RIMS2: variants seen among roughly 807,000 people sequenced by gnomAD.
RIMS2 encodes regulating synaptic membrane exocytosis 2.
In RIMS2, 59 loss-of-function variants were observed where a neutral mutation model predicts 174.4. The observed-to-expected ratio is 0.34, with a 90% CI of 0.27 to 0.42. The LOEUF is 0.42. Ranked by LOEUF, RIMS2 falls within the 10% of genes least tolerant of loss-of-function variation. The probability of loss-of-function intolerance (pLI) is 1.00; values close to 1 mark genes in which losing one functional copy is unlikely to be tolerated. For synonymous variants in RIMS2, 606 were observed against 572.5 expected, an observed-to-expected ratio of 1.06 and a Z score of -0.84; for missense variants, 1,620 against 1,666.3, an observed-to-expected ratio of 0.97 and a Z score of 0.48.
At chr8:104,053,113 T>C (rs989987304) in intron 19 of RIMS2, among the ~76,000 whole-genome samples, 3 of 152,220 alleles carry the variant, frequency 2.0e-5, no homozygotes, top group Non-Finnish European at 4.4e-5. Context: ...AGATATGTTT[T>C]ACAATATCCA....
intron 2 of RIMS2, among the ~76,000 whole-genome samples, chr8:103,761,736 T>A (rs1342703785): frequency 6.6e-6 from 1 of 152,332 alleles, no homozygotes; most frequent in East Asian, 1.9e-4. Context: ...TATGTAATGG[T>A]TACTTGATCA....
At chr8:104,235,475 T>G (rs1366685045) in intron 19 of RIMS2, among the ~76,000 whole-genome samples, 2 of 151,976 alleles carry the variant, frequency 1.3e-5, no homozygotes, top group Non-Finnish European at 2.9e-5. Context: ...TCCACATAGT[T>G]GTAAGTCATG....
At chr8:103,881,171 T>A (rs956821254) in intron 3 of RIMS2, among the ~76,000 whole-genome samples, 3 of 151,496 alleles carry the variant, frequency 2.0e-5, no homozygotes, top group Non-Finnish European at 4.4e-5. Flanking sequence ...TTTACAAAAA[T>A]TAGTAATCTT....
chr8:103,883,366 GT>G (rs948653071), intron 3 of RIMS2, among the ~76,000 whole-genome samples: 1 of 151,628 alleles, frequency 6.6e-6, no homozygotes, highest in Non-Finnish European at 1.5e-5. Flanking sequence ...TCATGCTAGA[GT>G]TTTTTTAGTC....
intron 19 of RIMS2, among the ~76,000 whole-genome samples, chr8:104,125,274 T>C (rs937665689): frequency 4.6e-5 from 7 of 152,170 alleles, no homozygotes; most frequent in Non-Finnish European, 8.8e-5. Context: ...GATATGTATT[T>C]TAAGAAAGCT....
chr8:103,992,512 G>A (rs1200232091), intron 17 of RIMS2, among the ~76,000 whole-genome samples: 2 of 151,946 alleles, frequency 1.3e-5, no homozygotes, highest in East Asian at 3.9e-4. Context: ...TGAAAAATGG[G>A]CATGTTTATT....
intron 19 of RIMS2, among the ~76,000 whole-genome samples, chr8:104,124,356 C>T (rs74987592): frequency 0.015 from 2,281 of 152,112 alleles, 57 homozygotes; most frequent in African/African-American, 0.048. Context: ...CTTTTCTAAG[C>T]ACAGGAAAAG....
At chr8:104,183,046 A>G (rs1203575975) in intron 19 of RIMS2, among the ~76,000 whole-genome samples, 1 of 151,772 alleles carries the variant, frequency 6.6e-6, no homozygotes. Flanking sequence ...ATAAGGATAT[A>G]GAAGTGACTA....
chr8:103,907,295 T>C (rs1594915594), intron 4 of RIMS2, among the ~76,000 whole-genome samples: 1 of 152,368 alleles, frequency 6.6e-6, no homozygotes, highest in East Asian at 1.9e-4. Context: ...TCTACTTTTT[T>C]ACTTCCCTTG....
intron 19 of RIMS2, among the ~76,000 whole-genome samples, chr8:104,081,664 A>G (rs989109648): frequency 1.1e-5 from 1 of 89,344 alleles, no homozygotes; most frequent in Non-Finnish European, 2.3e-5. Context: ...AATAAAAGTG[A>G]AAAAAAAGTT....
rs1340990449 is a variant in RIMS2, at chr8:103,963,425, A to G, written c.2770+2292A>G. ...CAATCATTCATAATAAACCTGAACTATCAAAACTGTTCTTAAGTAGGAACT... is the reference window on the plus strand; with the variant it reads ...CAATCATTCATAATAAACCTGAACTGTCAAAACTGTTCTTAAGTAGGAACT... On this transcript the variant is annotated intron_variant, in intron 15 of 23. Transcript: ENST00000504942. 3.9e-5 allele frequency among the ~76,000 whole-genome samples: 6 copies of G among 152,332 alleles called. No individual in the cohort carries two copies. The East Asian group carries it at 1.2e-3, about 29-fold the overall frequency.
At chr8:103,858,344 G>A (rs1564948588) in intron 3 of RIMS2, among the ~76,000 whole-genome samples, 2 of 151,972 alleles carry the variant, frequency 1.3e-5, no homozygotes, top group South Asian at 4.1e-4. Context: ...AGATATATAT[G>A]AAGGAATAAA....
chr8:104,092,688 G>A (rs962664881), intron 19 of RIMS2, among the ~76,000 whole-genome samples: 1 of 151,798 alleles, frequency 6.6e-6, no homozygotes, highest in African/African-American at 2.4e-5. Flanking sequence ...CAGGTTTGCA[G>A]ACTCCAAAGT....
chr8:103,557,138 C>T (rs1455497338), intron 1 of RIMS2, among the ~76,000 whole-genome samples: 1 of 152,074 alleles, frequency 6.6e-6, no homozygotes, highest in Non-Finnish European at 1.5e-5. Context: ...CAGTGTTTAC[C>T]TCAATAAATG....
chr8:103,932,095 A>G (rs570247931), intron 12 of RIMS2, among the ~76,000 whole-genome samples: 11 of 152,206 alleles, frequency 7.2e-5, no homozygotes, highest in Non-Finnish European at 1.5e-4. Context: ...AATAGGCATC[A>G]TGAAAAAAGA....
chr8:103,632,016 G>T (rs2095936356), intron 1 of RIMS2, among the ~76,000 whole-genome samples: 1 of 152,172 alleles, frequency 6.6e-6, no homozygotes, highest in African/African-American at 2.4e-5. Flanking sequence ...CTAGATCTGA[G>T]CTTTTGTGTA....
chr8:103,955,145 A>T (rs1325037425), intron 14 of RIMS2, among the ~76,000 whole-genome samples: 1 of 152,188 alleles, frequency 6.6e-6, no homozygotes, highest in African/African-American at 2.4e-5. Context: ...GACCAAATGG[A>T]TTCACAGCCA....
intron 3 of RIMS2, among the ~76,000 whole-genome samples, chr8:103,804,915 G>A (rs909349251): frequency 6.6e-6 from 1 of 151,906 alleles, no homozygotes; most frequent in East Asian, 1.9e-4. Flanking sequence ...TCCTACCTCA[G>A]CCTCCTAAGT....
At chr8:103,724,059 G>GC (rs906066980) in intron 2 of RIMS2, among the ~76,000 whole-genome samples, 10 of 75,778 alleles carry the variant, frequency 1.3e-4, no homozygotes, top group East Asian at 4.0e-4. Context: ...TCCCCGCCCC[G>GC]CCCCCCCACA....
Sources: gnomAD v4.1 joint callset for allele counts (sites outside exome capture counted in the v4.1 genomes callset) on GRCh38, gnomAD v4.1.1 for gene constraint, MANE v1.5 for transcripts, NCBI Gene and HGNC (gene_info 2026-07-23, HGNC 2026-07-21) for gene names.